Variants in CLASP1 observed in about 807,000 individuals in gnomAD.
CLASP1 encodes cytoplasmic linker associated protein 1.
Under a neutral mutation model 192.3 loss-of-function variants are expected in CLASP1, and 38 were observed. The ratio of observed to expected loss-of-function variants is 0.20; its 90% CI spans 0.15 to 0.26. The LOEUF (loss-of-function observed/expected upper bound fraction) is 0.26, where lower values mean the gene tolerates loss of function less well. Among genes scored for constraint, CLASP1 ranks in the 10% least tolerant of loss-of-function variants. The probability of loss-of-function intolerance (pLI) is 1.00; values close to 1 mark genes in which losing one functional copy is unlikely to be tolerated. For synonymous variants in CLASP1, 691 were observed against 712.8 expected, an observed-to-expected ratio of 0.97 and a Z score of 0.49; for missense variants, 1,433 against 1,932.5, an observed-to-expected ratio of 0.74 and a Z score of 4.85.
At chr2:121,494,463 T>C (rs2093444966) in intron 8 of CLASP1, among the ~76,000 whole-genome samples, 1 of 151,922 alleles carries the variant, frequency 6.6e-6, no homozygotes, top group Admixed American at 6.6e-5. Flanking sequence ...AGAATAGTGG[T>C]GGTGGGGAAG....
At chr2:121,509,443 G>C (rs540700839) in intron 7 of CLASP1, among the ~76,000 whole-genome samples, 9 of 152,242 alleles carry the variant, frequency 5.9e-5, no homozygotes, top group Admixed American at 1.3e-4. Context: ...CAAAGGGATG[G>C]GATTACAGGC....
At chr2:121,347,575 T>C (rs1218379330) in intron 38 of CLASP1, among the ~76,000 whole-genome samples, 1 of 152,230 alleles carries the variant, frequency 6.6e-6, no homozygotes, top group Admixed American at 6.5e-5. Context: ...GAGAACATCA[T>C]CACTCGCTCT....
At chr2:121,405,637 AG>A (rs2149482598) in intron 25 of CLASP1, among the ~76,000 whole-genome samples, 1 of 152,386 alleles carries the variant, frequency 6.6e-6, no homozygotes, top group South Asian at 2.1e-4. Flanking sequence ...GACGTAACCT[AG>A]ATTAGACCAA....
intron 2 of CLASP1, among the ~76,000 whole-genome samples, chr2:121,551,470 G>A (rs1296376207): frequency 1.3e-5 from 2 of 152,094 alleles, no homozygotes; most frequent in African/African-American, 4.8e-5. Context: ...CGGCCCAAAA[G>A]CTCATTCAGC....
At chr2:121,480,852 T>C (rs761430500) in intron 8 of CLASP1, among the ~76,000 whole-genome samples, 2 of 152,218 alleles carry the variant, frequency 1.3e-5, no homozygotes, top group Non-Finnish European at 2.9e-5. Flanking sequence ...CTTAGAGCTA[T>C]GCAGGTACAA....
At chr2:121,382,881 G>C (rs185723657) in intron 32 of CLASP1, among the ~76,000 whole-genome samples, 1 of 152,238 alleles carries the variant, frequency 6.6e-6, no homozygotes, top group Admixed American at 6.5e-5. Context: ...TTCAGAGACA[G>C]CACAAGCTGT....
At chr2:121,572,180 G>A (rs1386334880) in intron 2 of CLASP1, among the ~76,000 whole-genome samples, 1 of 152,170 alleles carries the variant, frequency 6.6e-6, no homozygotes, top group Non-Finnish European at 1.5e-5. Context: ...TGTAATCCCA[G>A]CACTTTGGGA....
At chr2:121,478,673 A>ACACC (rs2092003077) in intron 8 of CLASP1, among the ~76,000 whole-genome samples, 1 of 70,322 alleles carries the variant, frequency 1.4e-5, no homozygotes, top group African/African-American at 5.2e-5. Flanking sequence ...CCCCACACAC[A>ACACC]CCACACACAC....
chr2:121,450,670 A>G (rs192690867), intron 16 of CLASP1, among the ~76,000 whole-genome samples: 25 of 152,288 alleles, frequency 1.6e-4, no homozygotes, highest in Admixed American at 1.4e-3. Flanking sequence ...GCTATGTGAT[A>G]ATTTGTGACG....
intron 1 of CLASP1, among the ~76,000 whole-genome samples, chr2:121,622,801 G>C (rs1454290607): frequency 6.6e-6 from 1 of 152,126 alleles, no homozygotes; most frequent in Non-Finnish European, 1.5e-5. Flanking sequence ...TTATATACAA[G>C]ATCATACCAT....
At chr2:121,610,392 G>T (rs2065108206) in intron 1 of CLASP1, among the ~76,000 whole-genome samples, 1 of 150,848 alleles carries the variant, frequency 6.6e-6, no homozygotes, top group Non-Finnish European at 1.5e-5. Flanking sequence ...AACTGGAGGA[G>T]GAGGAGGAGT....
chr2:121,389,950 T>C (rs1447772942), intron 30 of CLASP1, among the ~76,000 whole-genome samples: 2 of 151,696 alleles, frequency 1.3e-5, no homozygotes, highest in African/African-American at 4.8e-5. Flanking sequence ...CATAGTGCAC[T>C]GCAGCCTCGA....
At chr2:121,388,161 G>C (rs1248741703) in intron 30 of CLASP1, 2 of 316,460 alleles carry the variant, frequency 6.3e-6, no homozygotes, top group Non-Finnish European at 1.2e-5. Flanking sequence ...TAAATTCCTA[G>C]AACTTTTCTC....
At chr2:121,392,342 T>G (rs1047787509) in intron 30 of CLASP1, among the ~76,000 whole-genome samples, 1 of 152,226 alleles carries the variant, frequency 6.6e-6, no homozygotes. Context: ...GTTTATTCCA[T>G]AAATAACAGC....
intron 1 of CLASP1, among the ~76,000 whole-genome samples, chr2:121,606,531 C>G (rs1349926569): frequency 6.6e-6 from 1 of 152,170 alleles, no homozygotes; most frequent in African/African-American, 2.4e-5. Flanking sequence ...TCTAACACCA[C>G]TCTGTGTCTG....
At position 121,528,304 on chromosome 2, in the gene CLASP1, C is replaced by T. The variant is rs193045922; in HGVS notation, c.378+373G>A. On this transcript the variant is annotated intron_variant, in intron 4 of 39. Coordinates refer to ENST00000263710, the Ensembl canonical transcript of CLASP1. ...GGGCTGTTTTGGTCCATCCCAGCAGCCCCAATTCACCGGAAGACAGGGGCC... is the reference window on the plus strand; with the variant it reads ...GGGCTGTTTTGGTCCATCCCAGCAGTCCCAATTCACCGGAAGACAGGGGCC... Among the ~76,000 whole-genome samples the T allele has an allele frequency of 7.3e-3, 1,112 of 152,250 alleles. 7 individuals carry two copies. The highest frequency in any genetic ancestry group is 0.013 in the Non-Finnish European group (878 of 68,020).
chr2:121,388,059 C>T (rs1404448114), intron 30 of CLASP1, 153 bp from the exon 32 acceptor site: 1 of 581,118 alleles, frequency 1.7e-6, no homozygotes, highest in East Asian at 2.9e-5. Context: ...GAAAATAATA[C>T]CAATCACAAG....
At chr2:121,387,818 T>C (rs2073590575) in exon 31 of CLASP1, 1 of 1,613,794 alleles carries the variant, frequency 6.2e-7, no homozygotes. Context: ...GGTGGCACCA[T>C]CCTGGAATGT....
intron 6 of CLASP1, among the ~76,000 whole-genome samples, chr2:121,516,083 C>G (rs1199554387): frequency 6.6e-6 from 1 of 152,006 alleles, no homozygotes; most frequent in Non-Finnish European, 1.5e-5. Flanking sequence ...TAAGAAACAA[C>G]ACTAAAAATA....
Sources: gnomAD v4.1 joint callset for allele counts (sites outside exome capture counted in the v4.1 genomes callset) on GRCh38, gnomAD v4.1.1 for gene constraint, MANE v1.5 for transcripts, NCBI Gene and HGNC (gene_info 2026-07-23, HGNC 2026-07-21) for gene names.